Variants in DPP8 observed in about 807,000 individuals in gnomAD.
DPP8 encodes DPP VIII.
Under a neutral mutation model 107.5 loss-of-function variants are expected in DPP8, and 31 were observed. The ratio of observed to expected loss-of-function variants is 0.29; its 90% CI spans 0.22 to 0.39. DPP8 has a LOEUF of 0.39. Ranked by LOEUF, DPP8 falls within the 10% of genes least tolerant of loss-of-function variation. DPP8 has a pLI of 1.00. For missense variants in DPP8, 842 were observed against 1,076.1 expected (o/e 0.78, Z 3.04); for synonymous variants, 381 against 356.6 (o/e 1.07, Z -0.77).
rs141826059 is a variant in DPP8 at position 65,510,503 on chromosome 15, T to C, written c.259+1792A>G. Among the ~76,000 whole-genome samples the C allele has an allele frequency of 4.2e-3, 630 of 151,566 alleles. 1 individual carries two copies. The highest frequency in any genetic ancestry group is 6.5e-3 in the Non-Finnish European group (441 of 67,930). ...AAACCAATTAAAAAACCAAAGATTA[T>C]AGACTGTGAATGTACAGAAGAGAAA... On this transcript the variant is annotated intron_variant, in intron 2 of 19. Coordinates refer to ENST00000300141, the MANE Select transcript of DPP8 (RefSeq NM_130434.5).
At chr15:65,474,702 C>T (rs1328637820) in intron 11 of DPP8, among the ~76,000 whole-genome samples, 1 of 152,214 alleles carries the variant, frequency 6.6e-6, no homozygotes, top group Non-Finnish European at 1.5e-5. Context: ...GAACTGCTGG[C>T]CTAAAGCCCC....
intron 19 of DPP8, among the ~76,000 whole-genome samples, chr15:65,448,923 T>TATATATATATATATATATA (rs1595836064): frequency 1.1e-5 from 1 of 93,036 alleles, no homozygotes; most frequent in Non-Finnish European, 2.1e-5. Flanking sequence ...TATATATATA[T>TATATATATATATATATATA]TTAGCCTGGG....
At chr15:65,460,132 A>G (rs2064787789) in intron 15 of DPP8, among the ~76,000 whole-genome samples, 1 of 152,106 alleles carries the variant, frequency 6.6e-6, no homozygotes, top group Non-Finnish European at 1.5e-5. Context: ...TCACCCAAAC[A>G]GAAATTCTGT....
intron 17 of DPP8, 127 bp downstream of exon 17, chr15:65,454,136 C>CAAAA (rs370866269): frequency 3.0e-4 from 107 of 352,086 alleles, no homozygotes; most frequent in Non-Finnish European, 3.6e-4. Flanking sequence ...GACTTCGTCT[C>CAAAA]AAAAAAAAAA....
chr15:65,476,166 G>C (rs946803431), intron 11 of DPP8, among the ~76,000 whole-genome samples: 1 of 152,092 alleles, frequency 6.6e-6, no homozygotes, highest in Non-Finnish European at 1.5e-5. Context: ...ATTGCTGTGG[G>C]GAGTGACAGC....
intron 9 of DPP8, 96 bp downstream of exon 9, chr15:65,481,419 G>A (rs2140759179): frequency 1.2e-6 from 1 of 811,516 alleles, no homozygotes; most frequent in Non-Finnish European, 2.0e-6. Flanking sequence ...TACATGTGAA[G>A]GCAGCTCCAA....
chr15:65,478,569 T>G (rs963063872), intron 11 of DPP8, among the ~76,000 whole-genome samples: 6 of 152,148 alleles, frequency 3.9e-5, no homozygotes, highest in Non-Finnish European at 8.8e-5. Flanking sequence ...CAAAAATAGT[T>G]TTTTTTAAAT....
Position 65,488,124 on chromosome 15 carries a change from T to C in DPP8, c.827-306A>G, listed in dbSNP as rs1239469458. ...ATGCATTCTTTGTTGAAAAATGAAA[T>C]ATTTAATTACATGTATAATATTTCC... On this transcript the variant is annotated intron_variant, in intron 6 of 19. Transcript: ENST00000300141. Among the ~76,000 whole-genome samples the C allele has an allele frequency of 2.0e-5, 3 of 152,198 alleles. No individual in the cohort carries two copies. In the East Asian group the frequency reaches 5.8e-4, roughly 29 times the overall value.
intron 15 of DPP8, among the ~76,000 whole-genome samples, chr15:65,458,055 T>C (rs1409631579): frequency 2.0e-5 from 3 of 152,222 alleles, no homozygotes; most frequent in Non-Finnish European, 2.9e-5. Context: ...CTCACTTCTT[T>C]GTCTGCTACC....
chr15:65,466,659 C>T lies in DPP8; in HGVS notation c.1825+19G>A. 1 of 1,610,134 alleles carries T rather than the reference C, an allele frequency of 6.2e-7. No homozygotes were observed. Among genetic ancestry groups the T allele is most frequent in the Non-Finnish European group, 8.5e-7 (1 of 1,176,830 alleles). On this transcript the variant is annotated intron_variant, in intron 14 of 19. Transcript: ENST00000300141. The stretch of plus-strand genomic sequence containing the variant: ...TATTAATCCTACTTAACGTCAGGAT[C>T]AGGGGGAAAAAAGAATACCTGCTGA...
At chr15:65,505,109 A>T (rs2069790996) in intron 3 of DPP8, among the ~76,000 whole-genome samples, 1 of 152,116 alleles carries the variant, frequency 6.6e-6, no homozygotes, top group African/African-American at 2.4e-5. Flanking sequence ...TAATCCCAGC[A>T]CTTTGGGAGG....
intron 5 of DPP8, among the ~76,000 whole-genome samples, chr15:65,490,868 A>G (rs560050349): frequency 6.6e-6 from 1 of 152,214 alleles, no homozygotes; most frequent in African/African-American, 2.4e-5. Context: ...ATAATTATGT[A>G]AGATTTTGAG....
intron 11 of DPP8, among the ~76,000 whole-genome samples, chr15:65,475,975 C>T (rs1283318169): frequency 1.3e-5 from 2 of 152,162 alleles, no homozygotes; most frequent in Non-Finnish European, 1.5e-5. Flanking sequence ...CTAGTCTCAA[C>T]TCCTGGACTC....
intron 4 of DPP8, among the ~76,000 whole-genome samples, chr15:65,499,101 G>GTA (rs1469760782): frequency 2.2e-4 from 31 of 138,998 alleles, no homozygotes; most frequent in African/African-American, 7.4e-4. Flanking sequence ...GTGTGTGTGT[G>GTA]TGTGTATATA....
chr15:65,513,109 T>A (rs565042949), intron 1 of DPP8, among the ~76,000 whole-genome samples: 2 of 152,376 alleles, frequency 1.3e-5, no homozygotes, highest in Non-Finnish European at 2.9e-5. Context: ...GATAATATAT[T>A]GTTTCCTTTT....
intron 9 of DPP8, 72 bp downstream of exon 9, chr15:65,481,443 C>G (rs2066916737): frequency 9.2e-7 from 1 of 1,085,582 alleles, no homozygotes; most frequent in Admixed American, 2.4e-5. Flanking sequence ...CAAGGCAAAC[C>G]TAATAGCACA....
intron 1 of DPP8, 72 bp from the exon 2 acceptor site, chr15:65,512,636 C>CAA: frequency 2.8e-6 from 4 of 1,410,046 alleles, no homozygotes; most frequent in Non-Finnish European, 2.9e-6. Flanking sequence ...CTGAGAGGGT[C>CAA]AAAAAAAAAG....
intron 18 of DPP8, 65 bp downstream of exon 18, chr15:65,451,895 A>T: frequency 6.9e-7 from 1 of 1,446,966 alleles, no homozygotes; most frequent in South Asian, 1.4e-5. Context: ...ACTACACTCC[A>T]GCCTAAGTGA....
At chr15:65,473,325 C>CAAA (rs574732255) in intron 12 of DPP8, among the ~76,000 whole-genome samples, 7,287 of 94,514 alleles carry the variant, frequency 0.077, 198 homozygotes, top group Middle Eastern at 0.12. Context: ...ACTCCATCTC[C>CAAA]AAAAAAAAAA....
Sources: allele counts gnomAD v4.1 joint callset (sites outside exome capture counted in the v4.1 genomes callset), GRCh38; gene constraint gnomAD v4.1.1; transcripts MANE v1.5; gene names NCBI Gene and HGNC (gene_info 2026-07-23, HGNC 2026-07-21).